URB1: variants seen among roughly 807,000 people sequenced by gnomAD.
The protein encoded by URB1 is URB1 ribosome biogenesis factor, also known as nucleolar pre-ribosomal-associated protein 1.
A neutral mutation model predicts 242.3 loss-of-function variants in URB1; 197 were observed. That is an observed-to-expected ratio of 0.81 (90% confidence interval 0.72 to 0.91). The LOEUF is 0.91. Ranked by LOEUF, URB1 falls within the 40% of genes least tolerant of loss-of-function variation. The pLI, the probability that URB1 is intolerant of heterozygous loss-of-function variation, is 0.00. For missense variants in URB1, 2,721 were observed against 2,860.5 expected (o/e 0.95, Z 1.11); for synonymous variants, 1,153 against 1,201.8 (o/e 0.96, Z 0.84).
At position 32,347,338 on chromosome 21, in the gene URB1, G is replaced by C. The variant is rs2033102217; in HGVS notation, c.3486C>G (p.Thr1162=). Residue 1162 remains threonine (T), a synonymous_variant, in exon 22 of 39, where the codon ACC becomes ACG. Transcript: ENST00000382751. ...TCTGCAGCTGATCCTGGGGGCTGCAGGTCAGCAGCTGCACCAGGGTCTTTC... is the reference window on the plus strand; with the variant it reads ...TCTGCAGCTGATCCTGGGGGCTGCACGTCAGCAGCTGCACCAGGGTCTTTC... The part of the protein sequence containing the change: ...ALGKTLVQLL[T]CSPQDQLQSG... 3.9e-6 allele frequency: 6 copies of C among 1,551,350 alleles called. No homozygotes were observed. The East Asian group carries it at 1.5e-4, about 38-fold the overall frequency.
chr21:32,382,164 G>A (rs571214025), intron 4 of URB1, among the ~76,000 whole-genome samples: 68 of 152,226 alleles, frequency 4.5e-4, no homozygotes, highest in Admixed American at 1.2e-3. Flanking sequence ...CTTAGACGGC[G>A]GGGAGGGCTG....
intron 30 of URB1, among the ~76,000 whole-genome samples, chr21:32,332,072 T>C (rs1401534647): frequency 6.6e-6 from 1 of 152,168 alleles, no homozygotes; most frequent in African/African-American, 2.4e-5. Flanking sequence ...GCGGGACAGA[T>C]GGACTTTTCA....
intron 30 of URB1, among the ~76,000 whole-genome samples, chr21:32,327,181 C>G (rs2032839406): frequency 1.3e-5 from 2 of 151,928 alleles, no homozygotes; most frequent in Non-Finnish European, 2.9e-5. Flanking sequence ...GAAAATCACA[C>G]GAAAGCACAT....
intron 26 of URB1, 114 bp from the exon 27 acceptor site, chr21:32,337,628 T>A (rs939350190): frequency 1.3e-6 from 1 of 775,152 alleles, no homozygotes; most frequent in African/African-American, 1.7e-5. Flanking sequence ...CTCCTCTGAA[T>A]AATACTGGTG....
Position 32,361,059 on chromosome 21 carries a change from C to T in URB1, c.1704G>A (p.Val568=). ...TGTACTGCATGACCACGTGGGGGACCACCTTCTGGTAGAGGCATATGACCT... is the reference window on the plus strand; with the variant it reads ...TGTACTGCATGACCACGTGGGGGACTACCTTCTGGTAGAGGCATATGACCT... ...LLQVICLYQK[V]VPHVVMQYNF... is the part of the protein sequence containing the mutation. The change falls in exon 13 of 39, where the codon GTG becomes GTA. Residue 568 remains valine, a synonymous_variant. Coordinates refer to ENST00000382751, the MANE Select transcript of URB1 (RefSeq NM_014825.3). 6.4e-7 allele frequency: 1 copy of T among 1,551,058 alleles called. No homozygotes were observed. Among genetic ancestry groups the T allele is most frequent in the Non-Finnish European group, 8.7e-7 (1 of 1,146,868 alleles).
chr21:32,327,299 T>C (rs928212871), intron 30 of URB1, among the ~76,000 whole-genome samples: 1 of 152,084 alleles, frequency 6.6e-6, no homozygotes, highest in African/African-American at 2.4e-5. Context: ...CAGAAATAAC[T>C]CAATTCAGAA....
intron 30 of URB1, among the ~76,000 whole-genome samples, chr21:32,326,445 C>T (rs1350436139): frequency 2.6e-5 from 4 of 152,094 alleles, no homozygotes; most frequent in Non-Finnish European, 5.9e-5. Flanking sequence ...ATACAAAAAC[C>T]CAAAACCAAG....
intron 7 of URB1, 113 bp downstream of exon 7, chr21:32,373,534 C>G: frequency 8.3e-7 from 1 of 1,209,746 alleles, no homozygotes; most frequent in Non-Finnish European, 1.1e-6. Flanking sequence ...TCAAAAGAAA[C>G]AGATCAAATG....
rs2032928500 is a variant in URB1 at position 32,334,196 on chromosome 21, G to A, written c.4824C>T (p.His1608=). 1.3e-6 allele frequency: 2 copies of A among 1,550,976 alleles called. No homozygotes were observed. The highest frequency in any genetic ancestry group is 1.7e-6 in the Non-Finnish European group (2 of 1,146,526). Residue 1608 remains histidine (H), a synonymous_variant, in exon 29 of 39, where the codon CAC becomes CAT. Coordinates refer to ENST00000382751, the MANE Select transcript of URB1 (RefSeq NM_014825.3). ...GCAGCAGCCTCCGGTTCTGGGGGAAGTGCAGGATGGTCTGCATCATCCGGT... is the reference window on the plus strand; with the variant it reads ...GCAGCAGCCTCCGGTTCTGGGGGAAATGCAGGATGGTCTGCATCATCCGGT... ...DRDRMMQTIL[H]FPQNRRLLPP...
chr21:32,391,340 CACATGT>C (rs1302438815), intron 1 of URB1, among the ~76,000 whole-genome samples: 2 of 151,224 alleles, frequency 1.3e-5, no homozygotes, highest in Non-Finnish European at 2.9e-5. Flanking sequence ...GCACGTTGTG[CACATGT>C]ACCCTAAAAC....
At chr21:32,351,396 T>C (rs1163407734) in intron 19 of URB1, among the ~76,000 whole-genome samples, 1 of 152,262 alleles carries the variant, frequency 6.6e-6, no homozygotes, top group Non-Finnish European at 1.5e-5. Context: ...GGAGCCCTTC[T>C]GCCTCAAACT....
At chr21:32,371,990 G>A (rs1018471464) in intron 8 of URB1, among the ~76,000 whole-genome samples, 6 of 152,090 alleles carry the variant, frequency 3.9e-5, no homozygotes, top group African/African-American at 1.4e-4. Context: ...TTGAAACCGT[G>A]ACTCATGGGC....
chr21:32,319,111 C>T lies in URB1; in HGVS notation c.5792+106G>A, dbSNP rs77449076. ...CAATCCACAGCAGATCACGGCCCAG[C>T]GTCCCCCTGGTACAGAGTCATGACT... On this transcript the variant is annotated intron_variant, in intron 36 of 38. Transcript: ENST00000382751. 1.0e-3 allele frequency: 1,167 copies of T among 1,155,360 alleles called. 10 individuals are homozygous for T. In the African/African-American group the frequency reaches 0.017, roughly 16 times the overall value. The allele number at this position is 1,155,360 out of a possible 1,614,324, so 71.6% of individuals were successfully genotyped here.
Position 32,311,883 on chromosome 21 carries a change from T to A in URB1, c.*3035A>T. On this transcript the variant is annotated 3_prime_UTR_variant, in exon 39 of 39. Coordinates refer to ENST00000382751, the MANE Select transcript of URB1 (RefSeq NM_014825.3). ...CTCCTCCACCTTGCCCCTCGGGGGT[T>A]TCCAGACCCACCCCACTCTCCTCTG... is the stretch of plus-strand genomic sequence containing the variant. The A allele has an allele frequency of 3.1e-6, 5 of 1,613,976 alleles. No homozygotes were observed. Among genetic ancestry groups the A allele is most frequent in the Middle Eastern group, 1.7e-4 (1 of 6,060 alleles).
At chr21:32,387,221 A>C (rs1601161457) in intron 1 of URB1, among the ~76,000 whole-genome samples, 2 of 150,880 alleles carry the variant, frequency 1.3e-5, no homozygotes, top group African/African-American at 2.4e-5. Context: ...CCACAACCCC[A>C]CCCTACCAAC....
chr21:32,315,314 TAAAAAAAA>T lies in URB1; in HGVS notation c.6635-223_6635-216del, dbSNP rs66474832. Among the ~76,000 whole-genome samples, 39 of 136,464 alleles carry T rather than the reference TAAAAAAAA, an allele frequency of 2.9e-4. 2 individuals are homozygous for T. Among genetic ancestry groups the T allele is most frequent in the African/African-American group, 1.0e-3 (37 of 36,502 alleles). 89.5% of individuals were successfully genotyped at this position (136,464 alleles called of 152,430 possible). A position where few individuals can be genotyped will look rare whatever the true frequency, so the allele number is the denominator to read the frequency against. On this transcript the variant is annotated intron_variant, in intron 38 of 38. Transcript: ENST00000382751. Reference sequence around the variant, plus strand: ...TTATTATTAAAAAGTTTCTTTTCTTTAAAAAAAAAAAAAAAAAAAGACAGGGTCTCACT... The same window carrying T: ...TTATTATTAAAAAGTTTCTTTTCTTTAAAAAAAAAAAGACAGGGTCTCACT...
At chr21:32,356,413 T>C (rs1568823061) in intron 15 of URB1, among the ~76,000 whole-genome samples, 2 of 152,264 alleles carry the variant, frequency 1.3e-5, no homozygotes, top group East Asian at 3.9e-4. Flanking sequence ...AAAGACAATA[T>C]GATCCCTTCT....
At chr21:32,378,832 T>C (rs2033489604) in intron 4 of URB1, among the ~76,000 whole-genome samples, 2 of 152,238 alleles carry the variant, frequency 1.3e-5, no homozygotes, top group South Asian at 2.1e-4. Context: ...TCCCTGACTA[T>C]AACACATACA....
chr21:32,387,816 T>A (rs2033599657), intron 1 of URB1, among the ~76,000 whole-genome samples: 1 of 152,136 alleles, frequency 6.6e-6, no homozygotes, highest in Admixed American at 6.5e-5. Context: ...AGGCAATGGA[T>A]CTAATCCTTC....
Sources: allele counts gnomAD v4.1 joint callset (sites outside exome capture counted in the v4.1 genomes callset), GRCh38; gene constraint gnomAD v4.1.1; transcripts MANE v1.5; gene names NCBI Gene and HGNC (gene_info 2026-07-23, HGNC 2026-07-21).